Variants in NPAS2 observed in about 807,000 individuals in gnomAD.
NPAS2 encodes neuronal PAS domain-containing protein 2.
A neutral mutation model predicts 107.5 loss-of-function variants in NPAS2; 23 were observed. The ratio of observed to expected loss-of-function variants is 0.21; its 90% confidence interval spans 0.15 to 0.30. NPAS2 has a LOEUF of 0.30. Ranked by LOEUF, NPAS2 falls within the 10% of genes least tolerant of loss-of-function variation. The pLI is 1.00. For missense variants in NPAS2, 756 were observed against 1,043.3 expected (o/e 0.72, Z 3.79); for synonymous variants, 403 against 417.5 (o/e 0.97, Z 0.42).
At chr2:100,916,867 A>G (rs1229403700) in intron 2 of NPAS2, among the ~76,000 whole-genome samples, 1 of 152,262 alleles carries the variant, frequency 6.6e-6, no homozygotes, top group Non-Finnish European at 1.5e-5. Flanking sequence ...AAACAGAAAG[A>G]TAGCGGGAAA....
At chr2:100,902,080 AGT>A (rs1558856181) in intron 1 of NPAS2, among the ~76,000 whole-genome samples, 1 of 150,924 alleles carries the variant, frequency 6.6e-6, no homozygotes, top group Non-Finnish European at 1.5e-5. Flanking sequence ...TAAAAAAAAA[AGT>A]AGATGCTCAA....
intron 7 of NPAS2, among the ~76,000 whole-genome samples, chr2:100,951,351 G>A (rs544372354): frequency 6.6e-6 from 1 of 152,324 alleles, no homozygotes; most frequent in Admixed American, 6.5e-5. Context: ...CGCAAAAGAA[G>A]GGAAGACAGG....
At chr2:100,897,175 A>G (rs923012403) in intron 1 of NPAS2, among the ~76,000 whole-genome samples, 1 of 152,166 alleles carries the variant, frequency 6.6e-6, no homozygotes, top group African/African-American at 2.4e-5. Flanking sequence ...CCATGATTCA[A>G]TTACCTCCCA....
At chr2:100,938,968 C>T (rs1674406245) in intron 5 of NPAS2, among the ~76,000 whole-genome samples, 1 of 152,160 alleles carries the variant, frequency 6.6e-6, no homozygotes, top group Non-Finnish European at 1.5e-5. Flanking sequence ...CCTGGATTCA[C>T]ACATAGGAAA....
At chr2:100,951,116 G>C (rs930424171) in intron 7 of NPAS2, among the ~76,000 whole-genome samples, 18 of 152,174 alleles carry the variant, frequency 1.2e-4, no homozygotes, top group Non-Finnish European at 2.9e-5. Flanking sequence ...CCGTTGGGGA[G>C]TACTGTGGGG....
intron 7 of NPAS2, among the ~76,000 whole-genome samples, chr2:100,957,906 C>A (rs141897368): frequency 3.3e-5 from 5 of 152,036 alleles, no homozygotes; most frequent in African/African-American, 1.2e-4. Flanking sequence ...CCAGCCTGGG[C>A]GACAGAGCGA....
At chr2:100,917,455 GA>G (rs1682958646) in intron 2 of NPAS2, among the ~76,000 whole-genome samples, 1 of 152,208 alleles carries the variant, frequency 6.6e-6, no homozygotes, top group African/African-American at 2.4e-5. Flanking sequence ...TTGAACCTGG[GA>G]GGTGGAGGTT....
At chr2:100,941,208 A>G (rs552719803) in intron 5 of NPAS2, among the ~76,000 whole-genome samples, 1 of 152,318 alleles carries the variant, frequency 6.6e-6, no homozygotes, top group Non-Finnish European at 1.5e-5. Flanking sequence ...ATAGCCTAGA[A>G]CTTTCTTTAC....
chr2:100,943,250 G>T (rs1176141669), intron 5 of NPAS2, among the ~76,000 whole-genome samples: 1 of 152,218 alleles, frequency 6.6e-6, no homozygotes, highest in African/African-American at 2.4e-5. Context: ...GTACATGAAG[G>T]TGTCTCATGG....
At chr2:100,936,140 A>G (rs1278669014) in intron 4 of NPAS2, among the ~76,000 whole-genome samples, 5 of 152,272 alleles carry the variant, frequency 3.3e-5, no homozygotes, top group Non-Finnish European at 1.5e-5. Flanking sequence ...TAAAATAATA[A>G]ATGAGTCTAG....
chr2:100,827,383 A>G (rs997994682), intron 1 of NPAS2, among the ~76,000 whole-genome samples: 1 of 152,178 alleles, frequency 6.6e-6, no homozygotes, highest in African/African-American at 2.4e-5. Context: ...GTATTCTTTT[A>G]ATTTTTTCGA....
chr2:100,854,622 C>T (rs1018470026), intron 1 of NPAS2, among the ~76,000 whole-genome samples: 3 of 152,212 alleles, frequency 2.0e-5, no homozygotes, highest in Admixed American at 2.0e-4. Flanking sequence ...CTCTTGGACT[C>T]CAGCATTAGC....
chr2:100,841,555 T>G (rs1677400744), intron 1 of NPAS2, among the ~76,000 whole-genome samples: 1 of 152,188 alleles, frequency 6.6e-6, no homozygotes, highest in Admixed American at 6.5e-5. Context: ...GTGCCTAAGA[T>G]CTTGCTGTGG....
chr2:100,842,032 A>G (rs1677446414), intron 1 of NPAS2, among the ~76,000 whole-genome samples: 1 of 150,920 alleles, frequency 6.6e-6, no homozygotes, highest in South Asian at 2.1e-4. Flanking sequence ...ATGTATGCAC[A>G]CCATATACAT....
Position 100,827,337 on chromosome 2 carries a change from G to A in NPAS2, c.-23+6923G>A, listed in dbSNP as rs183674542. 9.8e-5 allele frequency among the ~76,000 whole-genome samples: 15 copies of A among 152,292 alleles called. 3 individuals carry two copies. Among genetic ancestry groups the A allele is most frequent in the African/African-American group, 3.4e-4 (14 of 41,556 alleles). On this transcript the variant is annotated intron_variant, in intron 1 of 20. Transcript: ENST00000335681. ...TGTACAGTAGTTACGTAAACACTTCGTACATTGCATGAGACAGCTGAAAAG... is the reference window on the plus strand; with the variant it reads ...TGTACAGTAGTTACGTAAACACTTCATACATTGCATGAGACAGCTGAAAAG...
At chr2:100,988,884 C>T (rs1335539400) in intron 17 of NPAS2, 46 of 259,180 alleles carry the variant, frequency 1.8e-4, no homozygotes, top group Non-Finnish European at 3.2e-4. Flanking sequence ...CCTCCAGGCG[C>T]CCCCTGCCCC....
intron 1 of NPAS2, among the ~76,000 whole-genome samples, chr2:100,864,967 T>C (rs961526769): frequency 2.0e-5 from 3 of 152,014 alleles, no homozygotes; most frequent in Admixed American, 2.0e-4. Context: ...GTGAGAAGAG[T>C]AGCATTGTTT....
rs116053682 is a variant in NPAS2 at position 100,901,413 on chromosome 2, G to C, written c.-22-3320G>C. The C allele has an allele frequency of 1.8e-5, 8 of 436,182 alleles. No individual in the cohort carries two copies. In the South Asian group the frequency reaches 5.8e-4, roughly 32 times the overall value. The allele number at this position is 436,182 out of a possible 1,614,324, so 27.0% of individuals were successfully genotyped here. A position where few individuals can be genotyped will look rare whatever the true frequency, so the allele number is the denominator to read the frequency against. ...GTGCAGATGCCTGGATTTCAAACTG[G>C]GGGGGATGTTACAAAGCTTAAAAAG... is the stretch of plus-strand genomic sequence containing the variant. On this transcript the variant is annotated intron_variant, in intron 1 of 20. Coordinates refer to ENST00000335681, the MANE Select transcript of NPAS2 (RefSeq NM_002518.4).
chr2:100,960,578 C>G (rs1675858468), intron 7 of NPAS2, among the ~76,000 whole-genome samples: 1 of 152,076 alleles, frequency 6.6e-6, no homozygotes, highest in Admixed American at 6.6e-5. Flanking sequence ...GTTTCCCTGA[C>G]TGCAGCAGGC....
Sources: gnomAD v4.1 joint callset for allele counts (sites outside exome capture counted in the v4.1 genomes callset) on GRCh38, gnomAD v4.1.1 for gene constraint, MANE v1.5 for transcripts, NCBI Gene and HGNC (gene_info 2026-07-23, HGNC 2026-07-21) for gene names.